The following MDGA2 variants were observed in gnomAD, a reference collection of about 807,000 sequenced individuals.
MDGA2 encodes MAM domain-containing glycosylphosphatidylinositol anchor protein 2.
A neutral mutation model predicts 117.8 loss-of-function variants in MDGA2; 40 were observed. The ratio of observed to expected loss-of-function variants is 0.34; its 90% CI spans 0.26 to 0.44. The LOEUF is 0.44. MDGA2 is among the 20% of genes least tolerant of loss of function. MDGA2 has a pLI of 1.00. For synonymous variants in MDGA2, 452 were observed against 439.0 expected, an observed-to-expected ratio of 1.03 and a Z score of -0.37; for missense variants, 1,123 against 1,250.6, an observed-to-expected ratio of 0.90 and a Z score of 1.54.
intron 1 of MDGA2, among the ~76,000 whole-genome samples, chr14:47,383,382 T>C (rs1256218605): frequency 6.6e-6 from 1 of 152,126 alleles, no homozygotes; most frequent in Non-Finnish European, 1.5e-5. Context: ...CTGGATTACT[T>C]GGTAGTGCCT....
intron 2 of MDGA2, among the ~76,000 whole-genome samples, chr14:47,294,597 G>T (rs1889001199): frequency 6.6e-6 from 1 of 151,446 alleles, no homozygotes; most frequent in African/African-American, 2.4e-5. Context: ...ACACAAAAAA[G>T]AATTAATATA....
intron 7 of MDGA2, among the ~76,000 whole-genome samples, chr14:47,057,283 A>G (rs1889711368): frequency 6.6e-6 from 1 of 152,118 alleles, no homozygotes; most frequent in Admixed American, 6.6e-5. Context: ...ATTTCTACAG[A>G]AGTCCGATCA....
chr14:47,397,245 C>A (rs1892032531), intron 1 of MDGA2, among the ~76,000 whole-genome samples: 2 of 152,078 alleles, frequency 1.3e-5, no homozygotes, highest in South Asian at 4.1e-4. Flanking sequence ...AAACCAAACA[C>A]CACATGTTCT....
At chr14:47,612,254 AG>A (rs1896864256) in intron 1 of MDGA2, among the ~76,000 whole-genome samples, 1 of 151,288 alleles carries the variant, frequency 6.6e-6, no homozygotes, top group African/African-American at 2.4e-5. Context: ...ATAGATAGAT[AG>A]ATCTTCTGTG....
chr14:47,273,732 T>A (rs975353089), intron 2 of MDGA2, among the ~76,000 whole-genome samples: 5 of 152,146 alleles, frequency 3.3e-5, no homozygotes, highest in South Asian at 2.1e-4. Flanking sequence ...TTAACATTTT[T>A]AAAAATAATT....
intron 1 of MDGA2, among the ~76,000 whole-genome samples, chr14:47,584,854 G>C (rs931829110): frequency 5.3e-5 from 8 of 151,658 alleles, no homozygotes; most frequent in Admixed American, 4.6e-4. Flanking sequence ...CACTCATTTT[G>C]TTTCATGGCT....
At chr14:47,033,259 C>T (rs114462807) in intron 8 of MDGA2, among the ~76,000 whole-genome samples, 162 of 152,266 alleles carry the variant, frequency 1.1e-3, no homozygotes, top group African/African-American at 3.7e-3. Flanking sequence ...CTATGGAGAA[C>T]AGAGATTCTG....
At chr14:46,875,438 T>A (rs1882187522) in intron 12 of MDGA2, among the ~76,000 whole-genome samples, 1 of 151,804 alleles carries the variant, frequency 6.6e-6, no homozygotes, top group Non-Finnish European at 1.5e-5. Flanking sequence ...TTATTTATAT[T>A]CTATATTCTG....
intron 3 of MDGA2, among the ~76,000 whole-genome samples, chr14:47,204,841 A>G (rs189911304): frequency 2.5e-4 from 38 of 152,146 alleles, no homozygotes; most frequent in African/African-American, 7.9e-4. Flanking sequence ...AAACAATTTT[A>G]CTATGTACCA....
rs544436359 is a variant in MDGA2, at chr14:47,442,350, G to T, written c.281-140800C>A. On this transcript the variant is annotated intron_variant, in intron 1 of 16. Coordinates refer to ENST00000399232, the MANE Select transcript of MDGA2 (RefSeq NM_001113498.3). ...CATCTGAAGAGAGACCTACATGAGAGAGTAAGGCAAACAGTTGTCTGTAGG... is the reference window on the plus strand; with the variant it reads ...CATCTGAAGAGAGACCTACATGAGATAGTAAGGCAAACAGTTGTCTGTAGG... 4.6e-5 allele frequency among the ~76,000 whole-genome samples: 7 copies of T among 152,226 alleles called. No homozygotes were observed. The South Asian group carries it at 1.5e-3, about 32-fold the overall frequency.
intron 1 of MDGA2, among the ~76,000 whole-genome samples, chr14:47,437,631 T>C (rs148656947): frequency 4.6e-5 from 7 of 152,252 alleles, no homozygotes; most frequent in African/African-American, 1.7e-4. Flanking sequence ...CAACAAATGA[T>C]AGGAAGTTAC....
intron 5 of MDGA2, among the ~76,000 whole-genome samples, chr14:47,117,523 G>A (rs750092288): frequency 2.0e-5 from 3 of 152,112 alleles, no homozygotes; most frequent in Non-Finnish European, 4.4e-5. Context: ...ACTGATGAAT[G>A]AATATAGAAA....
At chr14:47,117,017 GA>G in intron 5 of MDGA2, among the ~76,000 whole-genome samples, 1 of 151,534 alleles carries the variant, frequency 6.6e-6, no homozygotes. Flanking sequence ...ATCCAATTGA[GA>G]TTTCAAAATA....
Position 47,469,389 on chromosome 14 carries a change from G to A in MDGA2, c.281-167839C>T, listed in dbSNP as rs1594872806. Reference sequence around the variant, plus strand: ...CTCATTGTTCAGTTCCCACCTATGAGTGAGAATATGCGGTGTTTGGTTTTT... The same window carrying A: ...CTCATTGTTCAGTTCCCACCTATGAATGAGAATATGCGGTGTTTGGTTTTT... On this transcript the variant is annotated intron_variant, in intron 1 of 16. Transcript: ENST00000399232. Among the ~76,000 whole-genome samples, 4 of 152,202 alleles carry A rather than the reference G, an allele frequency of 2.6e-5. No individual in the cohort carries two copies. The East Asian group carries it at 7.8e-4, about 29-fold the overall frequency.
intron 2 of MDGA2, among the ~76,000 whole-genome samples, chr14:47,276,796 C>T (rs1288675680): frequency 2.0e-5 from 3 of 152,144 alleles, no homozygotes; most frequent in Non-Finnish European, 2.9e-5. Context: ...TGAATTACAA[C>T]AGCAATTTAT....
chr14:47,268,695 C>T (rs565203071), intron 2 of MDGA2, among the ~76,000 whole-genome samples: 18 of 152,234 alleles, frequency 1.2e-4, no homozygotes, highest in African/African-American at 4.3e-4. Context: ...CCTTTAGAAA[C>T]AAAGATGCAG....
intron 2 of MDGA2, among the ~76,000 whole-genome samples, chr14:47,288,076 T>C (rs1346392648): frequency 6.6e-6 from 1 of 152,164 alleles, no homozygotes; most frequent in Admixed American, 6.5e-5. Context: ...ATTCCTGTTT[T>C]AAGCACTTTC....
intron 3 of MDGA2, among the ~76,000 whole-genome samples, chr14:47,176,057 C>A (rs1008351171): frequency 1.3e-5 from 2 of 152,108 alleles, no homozygotes; most frequent in African/African-American, 4.8e-5. Flanking sequence ...ACAATTGCTT[C>A]AAAGAGAATA....
At chr14:47,048,369 T>C (rs1379676825) in intron 7 of MDGA2, among the ~76,000 whole-genome samples, 1 of 152,108 alleles carries the variant, frequency 6.6e-6, no homozygotes, top group African/African-American at 2.4e-5. Context: ...TTTAAAGTAA[T>C]TCACAATTTA....
Sources: allele counts gnomAD v4.1 joint callset (sites outside exome capture counted in the v4.1 genomes callset), GRCh38; gene constraint gnomAD v4.1.1; transcripts MANE v1.5; gene names NCBI Gene and HGNC (gene_info 2026-07-23, HGNC 2026-07-21).